UEVLD: variants seen among roughly 807,000 people sequenced by gnomAD.
The protein encoded by UEVLD is ubiquitin-conjugating enzyme E2 variant 3.
A neutral mutation model predicts 58.6 loss-of-function variants in UEVLD; 47 were observed. That is an observed-to-expected ratio of 0.80 (90% CI 0.63 to 1.02). UEVLD has a LOEUF of 1.02. Ranked by LOEUF, UEVLD falls within the 50% of genes least tolerant of loss-of-function variation. UEVLD has a pLI of 0.00. For synonymous variants in UEVLD, 197 were observed against 195.3 expected, an observed-to-expected ratio of 1.01 and a Z score of -0.07; for missense variants, 510 against 550.6, an observed-to-expected ratio of 0.93 and a Z score of 0.74.
At chr11:18,561,513 C>G (rs1266304249) in intron 6 of UEVLD, among the ~76,000 whole-genome samples, 1 of 150,848 alleles carries the variant, frequency 6.6e-6, no homozygotes, top group East Asian at 2.0e-4. Context: ...GGGAGAATCG[C>G]TTGAACCCGG....
chr11:18,571,736 A>G (rs568185077), intron 3 of UEVLD, among the ~76,000 whole-genome samples: 1 of 152,330 alleles, frequency 6.6e-6, no homozygotes, highest in Non-Finnish European at 1.5e-5. Context: ...GTAGGCCAAA[A>G]TGGGAGGACA....
Position 18,588,712 on chromosome 11 carries a change from C to T in UEVLD, c.-58G>A. The T allele has an allele frequency of 1.9e-6, 3 of 1,581,922 alleles. No homozygotes were observed. The highest frequency in any genetic ancestry group is 2.6e-6 in the Non-Finnish European group (3 of 1,168,966). On this transcript the variant is annotated 5_prime_UTR_variant, in exon 1 of 12. Transcript: ENST00000396197. The stretch of plus-strand genomic sequence containing the variant: ...TCCAGCCCCCGGACCTTCTTCCGGA[C>T]TTGCTGCAGGACGGAAGCCGCTGAG...
At position 18,548,974 on chromosome 11, in the gene UEVLD, G is replaced by T. The variant is rs377540489; in HGVS notation, c.716-1924C>A. ...ATTAGAAGACATTAGAACTGGAAGGGATATACTTAACAATTCCATATGTGT... is the reference window on the plus strand; with the variant it reads ...ATTAGAAGACATTAGAACTGGAAGGTATATACTTAACAATTCCATATGTGT... On this transcript the variant is annotated intron_variant, in intron 7 of 11. Transcript: ENST00000396197. Among the ~76,000 whole-genome samples the T allele has an allele frequency of 2.6e-5, 4 of 152,158 alleles. No homozygotes were observed. The South Asian group carries it at 6.2e-4, about 24-fold the overall frequency.
chr11:18,570,230 A>G lies in UEVLD; in HGVS notation c.341T>C (p.Leu114Pro). The G allele has an allele frequency of 6.2e-7, 1 of 1,600,554 alleles. No individual in the cohort carries two copies. Among genetic ancestry groups the G allele is most frequent in the Non-Finnish European group, 8.5e-7 (1 of 1,175,942 alleles). Reference protein sequence around the residue: ...DAQGRIYLPYLQNWSHPKSVI... With the variant: ...DAQGRIYLPYPQNWSHPKSVI... ...TGATCTTACATGGCTCCAGTTTTGG[A>G]GATAGGGCAAATATATTCTGCCTTG... Residue 114 changes from leucine to proline, a missense_variant, in exon 4 of 12, where the codon CTC becomes CCC. Leu to Pro is a moderately conservative substitution (Grantham distance 98). Transcript: ENST00000396197.
chr11:18,567,261 T>TA (rs1489299588), intron 4 of UEVLD, among the ~76,000 whole-genome samples: 2 of 152,220 alleles, frequency 1.3e-5, no homozygotes, highest in African/African-American at 2.4e-5. Flanking sequence ...TGAGCTTCAG[T>TA]GTCATCAGTA....
chr11:18,533,193 T>G (rs867890376), intron 11 of UEVLD, among the ~76,000 whole-genome samples: 1 of 151,866 alleles, frequency 6.6e-6, no homozygotes, highest in African/African-American at 2.4e-5. Context: ...ACACCCAGCT[T>G]CTTCTAGCTG....
intron 9 of UEVLD, among the ~76,000 whole-genome samples, chr11:18,543,386 TA>T (rs1314445073): frequency 6.6e-6 from 1 of 152,214 alleles, no homozygotes; most frequent in Non-Finnish European, 1.5e-5. Context: ...CTGCAACAAC[TA>T]GTCCACATTT....
rs1482679638 is a variant in UEVLD, at chr11:18,552,797, T to G, written c.715+5431A>C. Among the ~76,000 whole-genome samples, 3 of 149,676 alleles carry G rather than the reference T, an allele frequency of 2.0e-5. No homozygotes were observed. In the South Asian group the frequency reaches 6.4e-4, roughly 32 times the overall value. On this transcript the variant is annotated intron_variant, in intron 7 of 11. Transcript: ENST00000396197. ...AATCGCTTGAACCCAGGAGGTGAAG[T>G]TTGCAGAGAGCCAAGATTGCACCAC...
chr11:18,584,419 T>C (rs1853430849), intron 1 of UEVLD, among the ~76,000 whole-genome samples: 1 of 151,994 alleles, frequency 6.6e-6, no homozygotes, highest in Non-Finnish European at 1.5e-5. Context: ...TTTTGCAGAA[T>C]AATAAGTACT....
chr11:18,570,526 G>A, intron 3 of UEVLD, 149 bp from the exon 4 acceptor site: 7 of 648,910 alleles, frequency 1.1e-5, no homozygotes, highest in Non-Finnish European at 1.6e-5. Flanking sequence ...TGAGCAGATT[G>A]CATGAGCCCA....
At chr11:18,545,076 T>TATATATATATA (rs72240623) in intron 8 of UEVLD, among the ~76,000 whole-genome samples, 41 of 34,394 alleles carry the variant, frequency 1.2e-3, no homozygotes, top group African/African-American at 3.7e-3. Context: ...ATATCTATAT[T>TATATATATATA]TTTTTTTTTT....
At chr11:18,540,502 G>A (rs763908364) in intron 9 of UEVLD, among the ~76,000 whole-genome samples, 1 of 152,152 alleles carries the variant, frequency 6.6e-6, no homozygotes, top group Non-Finnish European at 1.5e-5. Flanking sequence ...AAGAAGAGTA[G>A]AAGACAGAAT....
At chr11:18,535,087 T>G (rs1850734165) in intron 10 of UEVLD, among the ~76,000 whole-genome samples, 2 of 152,194 alleles carry the variant, frequency 1.3e-5, no homozygotes, top group African/African-American at 4.8e-5. Context: ...AGGAAAGAAA[T>G]GAAGTTGCAA....
chr11:18,568,649 A>G (rs1852416976), intron 4 of UEVLD, among the ~76,000 whole-genome samples: 1 of 152,024 alleles, frequency 6.6e-6, no homozygotes, highest in South Asian at 2.1e-4. Flanking sequence ...TAAAATGTCA[A>G]CTCCTACTAC....
intron 9 of UEVLD, among the ~76,000 whole-genome samples, chr11:18,544,410 G>A (rs896688689): frequency 6.6e-6 from 1 of 152,194 alleles, no homozygotes; most frequent in Non-Finnish European, 1.5e-5. Flanking sequence ...CCGGGCTCAA[G>A]TGATCCTCCC....
chr11:18,569,289 A>G lies in UEVLD; in HGVS notation c.357+925T>C, dbSNP rs373756743. Among the ~76,000 whole-genome samples, 81 of 152,322 alleles carry G rather than the reference A, an allele frequency of 5.3e-4. 2 individuals are homozygous for G. In the South Asian group the frequency reaches 0.017, roughly 31 times the overall value. Reference sequence around the variant, plus strand: ...TACATCTGTCTAAACCAATGTATAGAAGATAAGCAAAGGTTTGTTTTAAGG... The same window carrying G: ...TACATCTGTCTAAACCAATGTATAGGAGATAAGCAAAGGTTTGTTTTAAGG... On this transcript the variant is annotated intron_variant, in intron 4 of 11. Coordinates refer to ENST00000396197, the MANE Select transcript of UEVLD (RefSeq NM_001040697.4).
chr11:18,553,415 A>G (rs934057773), intron 7 of UEVLD, among the ~76,000 whole-genome samples: 2 of 152,194 alleles, frequency 1.3e-5, no homozygotes, highest in Non-Finnish European at 1.5e-5. Flanking sequence ...AGAGTTACTT[A>G]GAGCTATATG....
In UEVLD at chr11:18,534,440, G is replaced by A. The variant is rs768818952; in HGVS notation, c.1138C>T (p.Leu380=). ...CAGGATCTTTGACCTTTTACTCTTA[G>A]CAGTTCCATGGCTCTAGGTTACAAA... is the stretch of plus-strand genomic sequence containing the variant. ...VQLSNRAMEL[L]RVKGQRSWSV... Residue 380 remains leucine (L), a synonymous_variant, in exon 11 of 12, where the codon CTA becomes TTA. Coordinates refer to ENST00000396197, the MANE Select transcript of UEVLD (RefSeq NM_001040697.4). The A allele has an allele frequency of 6.4e-7, 1 of 1,571,556 alleles. No homozygotes were observed.
At chr11:18,555,998 A>G (rs964874587) in intron 7 of UEVLD, among the ~76,000 whole-genome samples, 5 of 152,214 alleles carry the variant, frequency 3.3e-5, no homozygotes, top group African/African-American at 1.2e-4. Flanking sequence ...CATGAATGAA[A>G]GTTACCCCAA....
Sources: gnomAD v4.1 joint callset for allele counts (sites outside exome capture counted in the v4.1 genomes callset) on GRCh38, gnomAD v4.1.1 for gene constraint, MANE v1.5 for transcripts, NCBI Gene and HGNC (gene_info 2026-07-23, HGNC 2026-07-21) for gene names.